PTPRG: variants seen among roughly 807,000 people sequenced by gnomAD.
PTPRG encodes receptor-type tyrosine-protein phosphatase gamma.
A neutral mutation model predicts 165.3 loss-of-function variants in PTPRG; 102 were observed. That is an observed-to-expected ratio of 0.62 (90% CI 0.53 to 0.73). The LOEUF (loss-of-function observed/expected upper bound fraction) is 0.73. Ranked by LOEUF, PTPRG falls within the 30% of genes least tolerant of loss-of-function variation. The pLI, the probability that PTPRG is intolerant of heterozygous loss-of-function variation, is 0.00. For missense variants in PTPRG, 1,866 were observed against 1,861.4 expected (o/e 1.00, Z -0.05); for synonymous variants, 675 against 669.5 (o/e 1.01, Z -0.13).
rs1701268483 is a variant in PTPRG at position 62,245,459 on chromosome 3, G to A, written c.2467+1561G>A. Among the ~76,000 whole-genome samples, 2 of 152,168 alleles carry A rather than the reference G, an allele frequency of 1.3e-5. No individual in the cohort carries two copies. The highest frequency in any genetic ancestry group is 1.3e-4 in the Admixed American group (2 of 15,276). On this transcript the variant is annotated intron_variant, in intron 15 of 29. Transcript: ENST00000474889. This position sits in a 1 kb window ranked among gnomAD's most constrained non-coding sequence, Gnocchi z 4.2. ...ACACAGACTCAGTTGTTTGGTAGCT[G>A]TGTAACTGAAATCCATTTTTGAAGA...
intron 28 of PTPRG, among the ~76,000 whole-genome samples, chr3:62,285,509 G>T (rs1702611016): frequency 7.2e-6 from 1 of 138,294 alleles, no homozygotes; most frequent in Non-Finnish European, 1.5e-5. Context: ...ACTTTTGGGG[G>T]TGGCAGGTGG....
chr3:61,621,051 A>ATATATATGTGTGTGTGTGTGTGTG, intron 1 of PTPRG, among the ~76,000 whole-genome samples: 9 of 117,996 alleles, frequency 7.6e-5, no homozygotes, highest in African/African-American at 1.8e-4. Flanking sequence ...ATATATATAT[A>ATATATATGTGTGTGTGTGTGTGTG]TGTGTGTGTG....
chr3:62,187,400 T>G (rs1388178019), intron 8 of PTPRG, among the ~76,000 whole-genome samples: 1 of 152,242 alleles, frequency 6.6e-6, no homozygotes, highest in Non-Finnish European at 1.5e-5. Context: ...CACCACCTTT[T>G]GTGTAACCAT....
At position 62,253,834 on chromosome 3, in the gene PTPRG, G is replaced by A. The variant is rs185633488; in HGVS notation, c.2468-1290G>A. Among the ~76,000 whole-genome samples the A allele has an allele frequency of 2.1e-4, 32 of 152,204 alleles. No individual in the cohort carries two copies. The East Asian group carries it at 4.1e-3, about 19-fold the overall frequency. ...TATTAACATGATTAGGACTTTAATT[G>A]TTCACACAGGAAGAATTTGTACTTA... On this transcript the variant is annotated intron_variant, in intron 15 of 29. Transcript: ENST00000474889.
intron 5 of PTPRG, chr3:62,118,462 T>G (rs1702943454): frequency 6.6e-6 from 1 of 152,228 alleles, no homozygotes; most frequent in Admixed American, 6.5e-5. Context: ...GTTTAACCAG[T>G]TAAGAGCAAA....
At chr3:62,073,363 A>G (rs999677562) in intron 4 of PTPRG, among the ~76,000 whole-genome samples, 1 of 152,232 alleles carries the variant, frequency 6.6e-6, no homozygotes, top group Non-Finnish European at 1.5e-5. Context: ...AAAATTAATA[A>G]CATTATAGTG....
At chr3:62,053,022 G>C (rs1351308310) in intron 4 of PTPRG, among the ~76,000 whole-genome samples, 1 of 152,074 alleles carries the variant, frequency 6.6e-6, no homozygotes, top group African/African-American at 2.4e-5. Context: ...TTAGATCACA[G>C]AGTCTCTTGA....
rs1200670771 is a variant in PTPRG, at chr3:61,674,145, C to T, written c.86-74733C>T. 5.3e-5 allele frequency among the ~76,000 whole-genome samples: 8 copies of T among 150,316 alleles called. No individual in the cohort carries two copies. The East Asian group carries it at 5.9e-4, about 11-fold the overall frequency. On this transcript the variant is annotated intron_variant, in intron 1 of 29. Transcript: ENST00000474889. Reference sequence around the variant, plus strand: ...TGTATACCTATGTAACAAACCTGCACGTTCTGCACATGTATCCCAGAACAA... The same window carrying T: ...TGTATACCTATGTAACAAACCTGCATGTTCTGCACATGTATCCCAGAACAA...
chr3:61,823,832 T>C (rs753500561), intron 2 of PTPRG, among the ~76,000 whole-genome samples: 1 of 152,076 alleles, frequency 6.6e-6, no homozygotes, highest in Non-Finnish European at 1.5e-5. Context: ...ATCCCTGTTA[T>C]AAATGATGAT....
chr3:62,248,606 A>G (rs1019985311), intron 15 of PTPRG, among the ~76,000 whole-genome samples: 1 of 152,230 alleles, frequency 6.6e-6, no homozygotes, highest in Non-Finnish European at 1.5e-5. Context: ...TTAATGAAGC[A>G]TTCACTACAT....
intron 5 of PTPRG, among the ~76,000 whole-genome samples, chr3:62,099,033 C>A (rs1482653488): frequency 6.6e-6 from 1 of 152,072 alleles, no homozygotes; most frequent in African/African-American, 2.4e-5. Flanking sequence ...TTGTTTGAAA[C>A]AGGACGTATC....
At chr3:62,285,836 C>T (rs1702634183) in intron 28 of PTPRG, among the ~76,000 whole-genome samples, 1 of 152,128 alleles carries the variant, frequency 6.6e-6, no homozygotes, top group African/African-American at 2.4e-5. Flanking sequence ...TCTACTCACT[C>T]ACAGACTGAA....
At chr3:61,816,292 A>G (rs2035760021) in intron 2 of PTPRG, among the ~76,000 whole-genome samples, 1 of 152,180 alleles carries the variant, frequency 6.6e-6, no homozygotes, top group African/African-American at 2.4e-5. Context: ...CACTTTGGGA[A>G]GATGAGGCGG....
intron 6 of PTPRG, among the ~76,000 whole-genome samples, chr3:62,141,799 C>T (rs1219684405): frequency 6.6e-6 from 1 of 150,830 alleles, no homozygotes; most frequent in African/African-American, 2.4e-5. Flanking sequence ...ATCCCAGCTA[C>T]TTGGGAGGCT....
intron 5 of PTPRG, among the ~76,000 whole-genome samples, chr3:62,126,819 G>T (rs1453454408): frequency 6.6e-6 from 1 of 152,138 alleles, no homozygotes; most frequent in African/African-American, 2.4e-5. Flanking sequence ...ACTCTCAATT[G>T]TGTCTCTGTA....
At chr3:62,234,745 GTTC>G (rs1178121192) in intron 14 of PTPRG, among the ~76,000 whole-genome samples, 53 of 151,616 alleles carry the variant, frequency 3.5e-4, no homozygotes, top group African/African-American at 1.3e-3. Context: ...TGTATTTATG[GTTC>G]TTCTTTGATG....
chr3:62,101,904 A>T (rs1391983739), intron 5 of PTPRG, among the ~76,000 whole-genome samples: 1 of 152,246 alleles, frequency 6.6e-6, no homozygotes, highest in African/African-American at 2.4e-5. Flanking sequence ...ACACAAATAA[A>T]CAGCAGGCAT....
intron 13 of PTPRG, among the ~76,000 whole-genome samples, chr3:62,230,940 G>A (rs930879045): frequency 6.6e-6 from 1 of 152,200 alleles, no homozygotes; most frequent in African/African-American, 2.4e-5. Context: ...CACTGTGTTT[G>A]TGATATCCTA....
At chr3:62,165,843 G>A (rs1012259506) in intron 7 of PTPRG, among the ~76,000 whole-genome samples, 4 of 152,172 alleles carry the variant, frequency 2.6e-5, no homozygotes, top group Non-Finnish European at 5.9e-5. Flanking sequence ...AGGGCAGACT[G>A]TTTGGAAGCA....
Sources: allele counts gnomAD v4.1 joint callset (sites outside exome capture counted in the v4.1 genomes callset), GRCh38; gene constraint gnomAD v4.1.1; non-coding constraint Gnocchi (gnomAD v3.1); transcripts MANE v1.5; gene names NCBI Gene and HGNC (gene_info 2026-07-23, HGNC 2026-07-21).